NXPE2: variants seen among roughly 807,000 people sequenced by gnomAD.
NXPE2 encodes NXPE family member 2.
Under a neutral mutation model 34.4 loss-of-function variants are expected in NXPE2, and 34 were observed. The ratio of observed to expected loss-of-function variants is 0.99; its 90% confidence interval spans 0.75 to 1.31. The LOEUF (loss-of-function observed/expected upper bound fraction) is 1.31, where lower values mean the gene tolerates loss of function less well. Ranked by LOEUF, NXPE2 falls within the 40% of genes most tolerant of loss-of-function variation. NXPE2 has a pLI of 0.00. For synonymous variants in NXPE2, 235 were observed against 231.3 expected (o/e 1.02, Z -0.15); for missense variants, 649 against 672.5 (o/e 0.97, Z 0.39).
chr11:114,751,194 A>G, the NXPE2 span, among the ~76,000 whole-genome samples: 1 of 152,228 alleles, frequency 6.6e-6, no homozygotes, highest in Non-Finnish European at 1.5e-5. Flanking sequence ...TTCAATGGCC[A>G]GAATTAGCTA....
the NXPE2 span, among the ~76,000 whole-genome samples, chr11:114,626,930 T>C: frequency 6.6e-6 from 1 of 151,160 alleles, no homozygotes; most frequent in African/African-American, 2.4e-5. Flanking sequence ...TGATGGAAGA[T>C]GAAATGAATG....
At chr11:114,540,132 T>C in the NXPE2 span, among the ~76,000 whole-genome samples, 12 of 152,308 alleles carry the variant, frequency 7.9e-5, no homozygotes, top group East Asian at 9.7e-4. Context: ...ATTTTTTCTA[T>C]TTTTAGTAGA....
the NXPE2 span, among the ~76,000 whole-genome samples, chr11:114,587,962 T>A: frequency 1.3e-5 from 2 of 152,176 alleles, no homozygotes; most frequent in Non-Finnish European, 2.9e-5. Context: ...AATTAGATAT[T>A]TTCTGTAGAT....
At chr11:114,632,666 GTA>G in the NXPE2 span, among the ~76,000 whole-genome samples, 2 of 81,972 alleles carry the variant, frequency 2.4e-5, no homozygotes, top group Non-Finnish European at 4.2e-5. Context: ...TAAATATATA[GTA>G]TATATATTTA....
At chr11:114,572,756 A>G in the NXPE2 span, among the ~76,000 whole-genome samples, 3 of 152,206 alleles carry the variant, frequency 2.0e-5, no homozygotes, top group African/African-American at 4.8e-5. Flanking sequence ...TTCCCAAGGA[A>G]GAAGAGAAAT....
At chr11:114,697,001 A>G (rs182693973) in intron 2 of NXPE2, among the ~76,000 whole-genome samples, 10 of 152,328 alleles carry the variant, frequency 6.6e-5, no homozygotes, top group Non-Finnish European at 1.3e-4. Flanking sequence ...TAGAACAATT[A>G]TAACAACATA....
intron 2 of NXPE2, among the ~76,000 whole-genome samples, chr11:114,693,568 A>G (rs1335175706): frequency 2.6e-5 from 4 of 152,244 alleles, no homozygotes; most frequent in African/African-American, 9.6e-5. Flanking sequence ...ACCTGTAACC[A>G]AAGCCCACAA....
the NXPE2 span, among the ~76,000 whole-genome samples, chr11:114,793,813 G>T: frequency 6.6e-6 from 1 of 152,284 alleles, no homozygotes; most frequent in Admixed American, 6.5e-5. Context: ...TATTTTAAGA[G>T]AATTTCGTTC....
chr11:114,529,062 G>A, the NXPE2 span: 3 of 383,448 alleles, frequency 7.8e-6, no homozygotes, highest in Non-Finnish European at 9.3e-6. Context: ...GTCATGTTTG[G>A]TGCCTACTCT....
chr11:114,650,089 T>C, the NXPE2 span, among the ~76,000 whole-genome samples: 2 of 152,146 alleles, frequency 1.3e-5, no homozygotes, highest in African/African-American at 4.8e-5. Flanking sequence ...AAAATCCAGG[T>C]AATATACAAA....
chr11:114,705,743 T>C (rs1282720840), intron 4 of NXPE2, 38 bp from the exon 5 acceptor site: 7 of 1,234,756 alleles, frequency 5.7e-6, no homozygotes, highest in South Asian at 3.4e-5. Context: ...TAATTTGTGG[T>C]AATAAAAATT....
the NXPE2 span, among the ~76,000 whole-genome samples, chr11:114,563,518 A>G: frequency 6.6e-6 from 1 of 152,218 alleles, no homozygotes; most frequent in Non-Finnish European, 1.5e-5. Context: ...GGAAATAATC[A>G]GCAGAGTTAA....
At chr11:114,703,920 A>G (rs544643464) in intron 3 of NXPE2, 71 bp from the exon 4 acceptor site, 7 of 1,107,248 alleles carry the variant, frequency 6.3e-6, no homozygotes, top group East Asian at 2.6e-5. Flanking sequence ...GGTTTAATCC[A>G]TCTAAACCAG....
At chr11:114,476,333 T>G in the NXPE2 span, among the ~76,000 whole-genome samples, 1 of 152,238 alleles carries the variant, frequency 6.6e-6, no homozygotes, top group Non-Finnish European at 1.5e-5. Context: ...ATGTACAAAT[T>G]AGCTCTTCAG....
chr11:114,664,431 G>A, the NXPE2 span, among the ~76,000 whole-genome samples: 12 of 151,662 alleles, frequency 7.9e-5, no homozygotes, highest in African/African-American at 2.2e-4. Flanking sequence ...CATTATCGTC[G>A]AAACTTACAA....
At chr11:114,782,845 G>A in the NXPE2 span, among the ~76,000 whole-genome samples, 1 of 152,178 alleles carries the variant, frequency 6.6e-6, no homozygotes, top group Non-Finnish European at 1.5e-5. Context: ...GCCAGCCATA[G>A]GAGATACCTG....
the NXPE2 span, among the ~76,000 whole-genome samples, chr11:114,472,163 T>C: frequency 6.6e-6 from 1 of 152,244 alleles, no homozygotes; most frequent in Non-Finnish European, 1.5e-5. Flanking sequence ...CACACGTTCC[T>C]CTGGGCTGAA....
At chr11:114,599,966 G>A in the NXPE2 span, among the ~76,000 whole-genome samples, 316 of 151,998 alleles carry the variant, frequency 2.1e-3, 1 homozygote, top group African/African-American at 6.6e-3. Flanking sequence ...GTAAATAATA[G>A]CATAAATAAA....
At chr11:114,598,105 T>C in the NXPE2 span, among the ~76,000 whole-genome samples, 2 of 152,140 alleles carry the variant, frequency 1.3e-5, no homozygotes, top group Non-Finnish European at 2.9e-5. Flanking sequence ...CCTTTTACAT[T>C]CTAAAAGGGA....
Sources: allele counts gnomAD v4.1 joint callset (sites outside exome capture counted in the v4.1 genomes callset), GRCh38; gene constraint gnomAD v4.1.1; transcripts MANE v1.5; gene names NCBI Gene and HGNC (gene_info 2026-07-23, HGNC 2026-07-21).